The following TRAPPC9 variants were observed in gnomAD, a reference collection of about 807,000 sequenced individuals.
TRAPPC9 encodes the protein IKK2 binding protein.
TRAPPC9 carries 83 observed loss-of-function variants against 124.0 expected under a neutral mutation model. The ratio of observed to expected loss-of-function variants is 0.67; its 90% CI spans 0.56 to 0.80. TRAPPC9 has a LOEUF of 0.80. Ranked by LOEUF, TRAPPC9 falls within the 30% of genes least tolerant of loss-of-function variation. The probability of loss-of-function intolerance (pLI) is 0.00; values close to 1 mark genes in which losing one functional copy is unlikely to be tolerated. For missense variants in TRAPPC9, 1,302 were observed against 1,508.3 expected (o/e 0.86, Z 2.27); for synonymous variants, 638 against 617.5 (o/e 1.03, Z -0.49).
intron 17 of TRAPPC9, among the ~76,000 whole-genome samples, chr8:140,196,050 T>A: frequency 1.0e-5 from 1 of 99,022 alleles, no homozygotes; most frequent in Non-Finnish European, 2.0e-5. Context: ...TAAAACACAT[T>A]GAACAATTCA....
At chr8:139,986,587 C>T (rs1837251506) in intron 19 of TRAPPC9, among the ~76,000 whole-genome samples, 3 of 152,300 alleles carry the variant, frequency 2.0e-5, no homozygotes, top group Admixed American at 2.0e-4. Context: ...TTCATCTGCC[C>T]ATCTATTAAT....
At chr8:140,219,447 G>A (rs2131307677) in intron 17 of TRAPPC9, among the ~76,000 whole-genome samples, 1 of 152,296 alleles carries the variant, frequency 6.6e-6, no homozygotes, top group Admixed American at 6.5e-5. Context: ...CTGGCCTGAA[G>A]GACCCCACTT....
chr8:139,823,606 T>G (rs1163628634), intron 21 of TRAPPC9, among the ~76,000 whole-genome samples: 1 of 152,102 alleles, frequency 6.6e-6, no homozygotes, highest in Non-Finnish European at 1.5e-5. Flanking sequence ...GGAGCTGCCA[T>G]GCCCAGGAAG....
chr8:140,324,002 G>A (rs963227429), intron 9 of TRAPPC9, among the ~76,000 whole-genome samples: 1 of 152,000 alleles, frequency 6.6e-6, no homozygotes, highest in African/African-American at 2.4e-5. Flanking sequence ...TTACCCTAGC[G>A]ATATACGCTG....
intron 19 of TRAPPC9, among the ~76,000 whole-genome samples, chr8:139,966,191 G>A (rs1392691252): frequency 6.6e-6 from 1 of 152,200 alleles, no homozygotes; most frequent in Non-Finnish European, 1.5e-5. Flanking sequence ...GAAGGGAGGT[G>A]GAGATGGGGC....
intron 17 of TRAPPC9, among the ~76,000 whole-genome samples, chr8:140,153,582 T>C (rs984734786): frequency 6.6e-6 from 1 of 152,162 alleles, no homozygotes. Context: ...TGTCTCTGCC[T>C]TATTGACCTT....
At chr8:140,234,318 G>A (rs2063679382) in intron 16 of TRAPPC9, among the ~76,000 whole-genome samples, 1 of 152,156 alleles carries the variant, frequency 6.6e-6, no homozygotes, top group Non-Finnish European at 1.5e-5. Flanking sequence ...AAAAGCCTGG[G>A]GACTGCTGCT....
At chr8:140,026,462 G>C (rs7829866) in intron 17 of TRAPPC9, among the ~76,000 whole-genome samples, 1 of 152,174 alleles carries the variant, frequency 6.6e-6, no homozygotes, top group Non-Finnish European at 1.5e-5. Flanking sequence ...GCAGTGCACA[G>C]GGTTCCTGTT....
At chr8:139,968,584 C>A (rs56193660) in intron 19 of TRAPPC9, among the ~76,000 whole-genome samples, 17,129 of 152,248 alleles carry the variant, frequency 0.11, 1,315 homozygotes, top group African/African-American at 0.21. Context: ...TTGTCTACTC[C>A]GGACAAGGCT....
At chr8:139,814,340 T>C (rs920588067) in intron 21 of TRAPPC9, among the ~76,000 whole-genome samples, 1 of 152,198 alleles carries the variant, frequency 6.6e-6, no homozygotes, top group Non-Finnish European at 1.5e-5. Flanking sequence ...ACAGTCACCG[T>C]CGCTGCTCAG....
intron 15 of TRAPPC9, among the ~76,000 whole-genome samples, chr8:140,262,363 T>C (rs563314571): frequency 6.6e-6 from 1 of 152,272 alleles, no homozygotes; most frequent in African/African-American, 2.4e-5. Context: ...TTCCCATCCA[T>C]GCTCCCGAGG....
chr8:139,758,379 A>C (rs942896434), intron 21 of TRAPPC9, among the ~76,000 whole-genome samples: 1 of 152,216 alleles, frequency 6.6e-6, no homozygotes, highest in Non-Finnish European at 1.5e-5. Flanking sequence ...CTTGCAAAGG[A>C]AAGAAACTAA....
At chr8:140,160,301 T>C (rs955554346) in intron 17 of TRAPPC9, among the ~76,000 whole-genome samples, 6 of 152,196 alleles carry the variant, frequency 3.9e-5, no homozygotes, top group South Asian at 4.1e-4. Flanking sequence ...ACTGGGTATA[T>C]ACCCAAAGGA....
chr8:140,305,188 C>G (rs538406050), intron 10 of TRAPPC9, among the ~76,000 whole-genome samples: 2 of 152,334 alleles, frequency 1.3e-5, no homozygotes, highest in South Asian at 2.1e-4. Context: ...CACGCTCTCT[C>G]CCATCTCCAG....
Position 139,760,165 on chromosome 8 carries a change from G to A in TRAPPC9, c.3056-27963C>T, listed in dbSNP as rs143337210. Among the ~76,000 whole-genome samples, 12 of 152,316 alleles carry A rather than the reference G, an allele frequency of 7.9e-5. No individual in the cohort carries two copies. The East Asian group carries it at 1.9e-3, about 25-fold the overall frequency. ...ACTCCAGTGGCTTGGGGGCTGCAGC[G>A]AGGCCAGGTCTGTGTGGCTCTGTGA... On this transcript the variant is annotated intron_variant, in intron 21 of 22. Coordinates refer to ENST00000438773, the MANE Select transcript of TRAPPC9 (RefSeq NM_001160372.4).
At chr8:140,410,071 G>A (rs960464424) in intron 5 of TRAPPC9, among the ~76,000 whole-genome samples, 11 of 143,640 alleles carry the variant, frequency 7.7e-5, no homozygotes, top group Admixed American at 4.4e-4. Context: ...AGCCCAGAAG[G>A]CCAAGGCTGC....
intron 17 of TRAPPC9, among the ~76,000 whole-genome samples, chr8:140,091,432 C>T (rs1171283780): frequency 6.6e-6 from 1 of 152,222 alleles, no homozygotes; most frequent in Non-Finnish European, 1.5e-5. Flanking sequence ...TGGGAAAGGG[C>T]AGCCAGGGCT....
intron 4 of TRAPPC9, among the ~76,000 whole-genome samples, chr8:140,433,050 C>T (rs996320428): frequency 6.6e-6 from 1 of 152,210 alleles, no homozygotes; most frequent in Admixed American, 6.5e-5. Context: ...CACCTGTAAT[C>T]CCAGCACTTT....
At chr8:139,738,478 G>A (rs571963464) in intron 21 of TRAPPC9, among the ~76,000 whole-genome samples, 6 of 152,308 alleles carry the variant, frequency 3.9e-5, no homozygotes, top group South Asian at 4.1e-4. Flanking sequence ...GCCCAATGGC[G>A]TCAGGAGAGT....
Sources: allele counts gnomAD v4.1 joint callset (sites outside exome capture counted in the v4.1 genomes callset), GRCh38; gene constraint gnomAD v4.1.1; transcripts MANE v1.5; gene names NCBI Gene and HGNC (gene_info 2026-07-23, HGNC 2026-07-21).